Variants in GCN1 observed in about 807,000 individuals in gnomAD.
The protein encoded by GCN1 is stalled ribosome sensor GCN1.
GCN1 carries 90 observed loss-of-function variants against 288.4 expected under a neutral mutation model. That is an observed-to-expected ratio of 0.31 (90% CI 0.26 to 0.37). GCN1 has a LOEUF of 0.37. Ranked by LOEUF, GCN1 falls within the 10% of genes least tolerant of loss-of-function variation. The pLI is 1.00. For synonymous variants in GCN1, 1,386 were observed against 1,420.2 expected, an observed-to-expected ratio of 0.98 and a Z score of 0.54; for missense variants, 2,586 against 3,419.9, an observed-to-expected ratio of 0.76 and a Z score of 6.08.
At chr12:120,185,018 G>A in intron 2 of GCN1, 131 bp from the exon 3 acceptor site, 1 of 660,062 alleles carries the variant, frequency 1.5e-6, no homozygotes, top group East Asian at 2.7e-5. Context: ...TCCTCCCCAA[G>A]AGGAAAAAGC....
chr12:120,137,432 T>TA lies in GCN1; in HGVS notation c.6663+112dup. 2.1e-6 allele frequency: 3 copies of TA among 1,411,290 alleles called. 1 individual carries two copies. The highest frequency in any genetic ancestry group is 1.2e-5 in the South Asian group (1 of 85,072). 87.4% of individuals were successfully genotyped at this position (1,411,290 alleles called of 1,614,324 possible). A position where few individuals can be genotyped will look rare whatever the true frequency, so the allele number is the denominator to read the frequency against. ...ATAAACAAGACTTGCCACGAGTGGG[T>TA]AAACGCCGAAGCTGAGTGACAGGTA... On this transcript the variant is annotated intron_variant, in intron 49 of 57. Coordinates refer to ENST00000300648, the MANE Select transcript of GCN1 (RefSeq NM_006836.2). The surrounding 1 kb of genome is among the most constrained non-coding windows in gnomAD (Gnocchi z 5.2).
intron 56 of GCN1, among the ~76,000 whole-genome samples, chr12:120,130,044 C>G (rs1211942976): frequency 6.6e-6 from 1 of 152,222 alleles, no homozygotes; most frequent in Non-Finnish European, 1.5e-5. Flanking sequence ...GAGGCAGTCA[C>G]TCTTGGGAAC....
intron 15 of GCN1, among the ~76,000 whole-genome samples, chr12:120,169,483 T>G (rs958594527): frequency 5.3e-5 from 8 of 151,710 alleles, no homozygotes; most frequent in Non-Finnish European, 1.2e-4. Flanking sequence ...TAACACACTA[T>G]GTCTGGACAT....
chr12:120,162,897 G>A lies in GCN1; in HGVS notation c.2113C>T (p.His705Tyr). ...ATCCTGGGAATGATCTGATCCAGGT[G>A]CCTGGTGATAAAGGCTTCAGGATCG... ...KIDPEAFITRHLDQIIPRMTT... is the reference protein window; with the variant it reads ...KIDPEAFITRYLDQIIPRMTT... Residue 705 changes from histidine to tyrosine, a missense_variant, in exon 20 of 58, where the codon CAC becomes TAC. His to Tyr is a moderately conservative substitution (Grantham distance 83). Around this residue, in one of 8 missense-constraint regions of GCN1, gnomAD observed 913 missense variants for 1,107.0 expected, o/e 0.82. Coordinates refer to ENST00000300648, the MANE Select transcript of GCN1 (RefSeq NM_006836.2). The A allele has an allele frequency of 6.2e-7, 1 of 1,614,144 alleles. No homozygotes were observed. The highest frequency in any genetic ancestry group is 8.5e-7 in the Non-Finnish European group (1 of 1,179,978).
intron 2 of GCN1, among the ~76,000 whole-genome samples, chr12:120,189,055 G>C (rs574019772): frequency 6.6e-6 from 1 of 152,088 alleles, no homozygotes; most frequent in African/African-American, 2.4e-5. Flanking sequence ...TGTGCAGGGA[G>C]GGGGGAAGAA....
intron 56 of GCN1, 136 bp from the exon 57 acceptor site, chr12:120,129,630 T>G: frequency 1.5e-6 from 1 of 679,830 alleles, no homozygotes; most frequent in South Asian, 1.7e-5. Flanking sequence ...GGTCCCAGCA[T>G]GACTCGACCC....
chr12:120,131,534 C>G (rs1270771114), intron 54 of GCN1, among the ~76,000 whole-genome samples: 2 of 152,254 alleles, frequency 1.3e-5, no homozygotes, highest in Non-Finnish European at 2.9e-5. Flanking sequence ...TAAGGAAAGC[C>G]TGCTCATGAA....
Position 120,177,524 on chromosome 12 carries a change from G to A in GCN1, c.761C>T (p.Ser254Phe), listed in dbSNP as rs534691693. 3.1e-6 allele frequency: 5 copies of A among 1,611,288 alleles called. No homozygotes were observed. Among genetic ancestry groups the A allele is most frequent in the Non-Finnish European group, 3.4e-6 (4 of 1,177,484 alleles). ...TATCAGATCCTTAAATTCTGAGTGG[G>A]ACAGGTATCGGAGCAGAGGGGCACA... Reference protein sequence around the residue: ...DSCAPLLRYLSHSEFKDLILP... With the variant: ...DSCAPLLRYLFHSEFKDLILP... The change falls in exon 9 of 58, where the codon TCC becomes TTC. Residue 254 changes from serine to phenylalanine, a missense_variant. Physicochemically the swap from Ser to Phe is radical, Grantham distance 155. Transcript: ENST00000300648.
rs1878030965 is a variant in GCN1, at chr12:120,164,323, C to T, written c.1848+13G>A. 2 of 1,609,422 alleles carry T rather than the reference C, an allele frequency of 1.2e-6. No homozygotes were observed. The highest frequency in any genetic ancestry group is 1.7e-6 in the Non-Finnish European group (2 of 1,176,670). ...ATCCAAGAGCCCCAGTTCTAGAGCC[C>T]AGATGCCCTCACCTTGTGAGAACTG... On this transcript the variant is annotated intron_variant, in intron 18 of 57. Transcript: ENST00000300648.
At position 120,127,832 on chromosome 12, in the gene GCN1, C is replaced by T. The variant is rs1191535188; in HGVS notation, c.*17G>A. The T allele has an allele frequency of 1.2e-6, 2 of 1,609,152 alleles. No individual in the cohort carries two copies. The stretch of plus-strand genomic sequence containing the variant: ...GCAAAGATGTGGAGCGGCAATGCTG[C>T]TGCTGGCCCAGGCCTCTCATGTCAG... On this transcript the variant is annotated 3_prime_UTR_variant, in exon 58 of 58. Transcript: ENST00000300648.
intron 9 of GCN1, among the ~76,000 whole-genome samples, chr12:120,177,048 G>A (rs1878501888): frequency 6.6e-6 from 1 of 152,178 alleles, no homozygotes; most frequent in Non-Finnish European, 1.5e-5. Flanking sequence ...TTACAGGCAT[G>A]AGCCACCGCG....
At position 120,158,385 on chromosome 12, in the gene GCN1, GA is replaced by G; in HGVS notation, c.2905+74del. 1 of 1,277,826 alleles carries G rather than the reference GA, an allele frequency of 7.8e-7. No individual in the cohort carries two copies. Among genetic ancestry groups the G allele is most frequent in the African/African-American group, 1.5e-5 (1 of 67,436 alleles). 79.2% of individuals were successfully genotyped at this position (1,277,826 alleles called of 1,614,324 possible). A position where few individuals can be genotyped will look rare whatever the true frequency, so the allele number is the denominator to read the frequency against. ...CCCCCAGGCTCAGGAGGCCCTGGGT[GA>G]CGCTGTGCCTTGAGCAGCATTCCTG... On this transcript the variant is annotated intron_variant, in intron 25 of 57. Coordinates refer to ENST00000300648, the MANE Select transcript of GCN1 (RefSeq NM_006836.2). This position sits in a 1 kb window ranked among gnomAD's most constrained non-coding sequence, Gnocchi z 4.3.
rs1291211912 is a variant in GCN1, at chr12:120,137,597, G to A, written c.6611C>T (p.Ser2204Phe). 6.2e-7 allele frequency: 1 copy of A among 1,614,222 alleles called. No homozygotes were observed. The highest frequency in any genetic ancestry group is 8.5e-7 in the Non-Finnish European group (1 of 1,180,038). ...VSGLIRLFNDSSPVVLEESWD... is the reference protein window; with the variant it reads ...VSGLIRLFNDFSPVVLEESWD... ...GCTCTCCTCCAGAACCACAGGGCTG[G>A]AGTCATTGAAGAGGCGGATCAGGCC... Residue 2204 changes from serine (S) to phenylalanine (F), a missense_variant, in exon 49 of 58, where the codon TCC becomes TTC. Physicochemically the swap from Ser to Phe is radical, Grantham distance 155. Transcript: ENST00000300648. The surrounding 1 kb of genome is among the most constrained non-coding windows in gnomAD (Gnocchi z 5.2).
In GCN1 at chr12:120,142,735, G is replaced by A. The variant is rs2066173874; in HGVS notation, c.5614-13C>T. ...CAGTGATGATCGCCTGCAGCCAGTA[G>A]AAGGGGACAGAGAGTAGTGAAGCCT... is the stretch of plus-strand genomic sequence containing the variant. On this transcript the variant is annotated splice_polypyrimidine_tract_variant and intron_variant, in intron 43 of 57. Coordinates refer to ENST00000300648, the MANE Select transcript of GCN1 (RefSeq NM_006836.2). This position sits in a 1 kb window ranked among gnomAD's most constrained non-coding sequence, Gnocchi z 4.9. The A allele has an allele frequency of 4.3e-6, 7 of 1,613,224 alleles. No individual in the cohort carries two copies. Among genetic ancestry groups the A allele is most frequent in the Middle Eastern group, 3.3e-4 (2 of 6,080 alleles).
chr12:120,140,943 T>C lies in GCN1; in HGVS notation c.5910A>G (p.Glu1970=). ...CATCGCTCTTCTGAGACCTCAGGCC[T>C]TCCTCAAGGATGGGGATGATCTCGG... is the stretch of plus-strand genomic sequence containing the variant. ...ILPEIIPILE[E]GLRSQKSDER... The change falls in exon 45 of 58, where the codon GAA becomes GAG. Residue 1970 remains glutamate, a synonymous_variant. Transcript: ENST00000300648. 6.2e-7 allele frequency: 1 copy of C among 1,613,868 alleles called. No individual in the cohort carries two copies. Among genetic ancestry groups the C allele is most frequent in the South Asian group, 1.1e-5 (1 of 91,074 alleles).
chr12:120,173,654 C>A lies in GCN1; in HGVS notation c.1365G>T (p.Arg455=). The part of the protein sequence containing the change: ...AYLQCMLASY[R]GDTLLQALDL... ...CACTAGCCCTGGGAGTTGTCTTACC[C>A]CGGTAAGAGGCCAACATGCACTGCA... Residue 455 remains arginine, a splice_region_variant and synonymous_variant, in exon 14 of 58, where the codon CGG becomes CGT. Transcript: ENST00000300648. 1 of 1,588,896 alleles carries A rather than the reference C, an allele frequency of 6.3e-7. No homozygotes were observed.
intron 42 of GCN1, among the ~76,000 whole-genome samples, chr12:120,143,861 GAA>G (rs1345111032): frequency 3.9e-5 from 6 of 152,324 alleles, no homozygotes; most frequent in Non-Finnish European, 7.4e-5. Flanking sequence ...CAGGAAACTG[GAA>G]AAGTTACAAA....
In GCN1 at chr12:120,129,950, CG is replaced by C. The variant is rs1462737247; in HGVS notation, c.7672-457del. Among the ~76,000 whole-genome samples the C allele has an allele frequency of 2.0e-5, 3 of 152,302 alleles. No individual in the cohort carries two copies. In the East Asian group the frequency reaches 5.8e-4, roughly 29 times the overall value. On this transcript the variant is annotated intron_variant, in intron 56 of 57. Transcript: ENST00000300648. ...TTCAGGATAATGCCAAGTGAACAAG[CG>C]GGTGCAGGCTGATGTCATCACAGAC...
intron 1 of GCN1, among the ~76,000 whole-genome samples, chr12:120,190,730 T>C (rs576957903): frequency 3.9e-4 from 59 of 152,306 alleles, no homozygotes; most frequent in African/African-American, 1.3e-3. Flanking sequence ...ATACCTTATT[T>C]AAACTTTGGC....
Sources: gnomAD v4.1 joint callset for allele counts (sites outside exome capture counted in the v4.1 genomes callset) on GRCh38, gnomAD v4.1.1 for gene constraint, gnomAD v4.1.1 regional missense constraint, Gnocchi (gnomAD v3.1) non-coding constraint, MANE v1.5 for transcripts, NCBI Gene and HGNC (gene_info 2026-07-23, HGNC 2026-07-21) for gene names.